Variants in HNF4G observed in about 807,000 individuals in gnomAD.
HNF4G encodes hepatocyte nuclear factor 4 gamma, also known as hepatocyte nuclear factor 4-gamma.
HNF4G carries 21 observed loss-of-function variants against 50.9 expected under a neutral mutation model. The ratio of observed to expected loss-of-function variants is 0.41; its 90% CI spans 0.29 to 0.59. The LOEUF is 0.59. HNF4G is among the 20% of genes least tolerant of loss of function. The pLI, the probability that HNF4G is intolerant of heterozygous loss-of-function variation, is 0.26. For synonymous variants in HNF4G, 198 were observed against 185.6 expected, an observed-to-expected ratio of 1.07 and a Z score of -0.54; for missense variants, 527 against 559.4, an observed-to-expected ratio of 0.94 and a Z score of 0.58.
intron 1 of HNF4G, among the ~76,000 whole-genome samples, chr8:75,463,066 G>GT (rs11386959): frequency 0.13 from 17,772 of 138,208 alleles, 1,494 homozygotes; most frequent in African/African-American, 0.24. Context: ...TTGTTTTTTT[G>GT]TTTTTTTTTT....
At chr8:75,547,731 C>A in intron 3 of HNF4G, 50 bp downstream of exon 3, 2 of 1,061,182 alleles carry the variant, frequency 1.9e-6, no homozygotes, top group South Asian at 1.3e-5. Flanking sequence ...AAGTGATAAA[C>A]ATACACACAC....
chr8:75,529,704 G>T (rs1240933014), intron 2 of HNF4G, among the ~76,000 whole-genome samples: 2 of 151,916 alleles, frequency 1.3e-5, no homozygotes, highest in Non-Finnish European at 2.9e-5. Flanking sequence ...GAGAACTATG[G>T]GGAAGATTCA....
At chr8:75,460,901 TTTTC>T (rs1371832403) in intron 1 of HNF4G, among the ~76,000 whole-genome samples, 10 of 152,210 alleles carry the variant, frequency 6.6e-5, no homozygotes, top group African/African-American at 1.7e-4. Flanking sequence ...CTTCACCACT[TTTTC>T]TTACAAATGT....
chr8:75,528,544 G>A (rs541002744), intron 2 of HNF4G, among the ~76,000 whole-genome samples: 1 of 152,068 alleles, frequency 6.6e-6, no homozygotes, highest in Admixed American at 6.6e-5. Context: ...GAAAAATGAG[G>A]TCCCTCATAG....
chr8:75,517,905 G>A (rs906846343), intron 2 of HNF4G, among the ~76,000 whole-genome samples: 3 of 151,792 alleles, frequency 2.0e-5, no homozygotes, highest in Non-Finnish European at 4.4e-5. Context: ...TTCCTCCCAG[G>A]CACCATACCT....
At chr8:75,492,708 C>G (rs537310472) in intron 2 of HNF4G, among the ~76,000 whole-genome samples, 1 of 152,058 alleles carries the variant, frequency 6.6e-6, no homozygotes, top group Non-Finnish European at 1.5e-5. Context: ...CACTGAAGTC[C>G]ATTACTTTTA....
At chr8:75,421,544 G>A (rs1459383943) in intron 1 of HNF4G, among the ~76,000 whole-genome samples, 1 of 152,202 alleles carries the variant, frequency 6.6e-6, no homozygotes, top group Admixed American at 6.5e-5. Flanking sequence ...AAATAGGGTT[G>A]ACAGGGGTTA....
intron 1 of HNF4G, among the ~76,000 whole-genome samples, chr8:75,441,145 GT>G (rs1438721746): frequency 6.6e-6 from 1 of 151,774 alleles, no homozygotes; most frequent in Non-Finnish European, 1.5e-5. Flanking sequence ...TTGTATGTGT[GT>G]TTTTTAGAGT....
chr8:75,442,099 A>G (rs2130549378), intron 1 of HNF4G, among the ~76,000 whole-genome samples: 1 of 152,334 alleles, frequency 6.6e-6, no homozygotes, highest in South Asian at 2.1e-4. Context: ...AAGATTCAAA[A>G]GAGAAACAAC....
intron 2 of HNF4G, 21 bp downstream of exon 2, chr8:75,544,000 G>A (rs551237557): frequency 2.6e-6 from 4 of 1,552,486 alleles, no homozygotes; most frequent in African/African-American, 2.8e-5. Flanking sequence ...TGCCCTTTTA[G>A]GCAAGTTATC....
chr8:75,453,725 G>A (rs1008290699), intron 1 of HNF4G, among the ~76,000 whole-genome samples: 1 of 151,978 alleles, frequency 6.6e-6, no homozygotes, highest in African/African-American at 2.4e-5. Context: ...GGACACACTG[G>A]GACTAAGACC....
At chr8:75,551,837 A>G (rs1295369735) in intron 4 of HNF4G, among the ~76,000 whole-genome samples, 2 of 152,326 alleles carry the variant, frequency 1.3e-5, no homozygotes, top group East Asian at 3.9e-4. Context: ...CAGCTACCAC[A>G]ACTTTTGGGG....
intron 1 of HNF4G, among the ~76,000 whole-genome samples, chr8:75,429,170 T>C (rs1171369524): frequency 6.6e-6 from 1 of 152,090 alleles, no homozygotes; most frequent in Non-Finnish European, 1.5e-5. Flanking sequence ...AGAGAGAATA[T>C]AGGAAGAAGA....
intron 1 of HNF4G, among the ~76,000 whole-genome samples, chr8:75,473,296 C>CA (rs927184911): frequency 2.2e-3 from 277 of 123,240 alleles, no homozygotes; most frequent in African/African-American, 3.7e-3. Flanking sequence ...GACTCCGTCT[C>CA]AAAAAAAAAA....
chr8:75,457,517 T>TAATTAAAACC (rs1811750408), intron 1 of HNF4G, among the ~76,000 whole-genome samples: 1 of 152,186 alleles, frequency 6.6e-6, no homozygotes. Context: ...CATGGTATCA[T>TAATTAAAACC]AATTAAAACC....
At chr8:75,514,878 AT>A (rs1691354275) in intron 2 of HNF4G, among the ~76,000 whole-genome samples, 1 of 151,840 alleles carries the variant, frequency 6.6e-6, no homozygotes, top group Admixed American at 6.6e-5. Context: ...ACCTCCCTCC[AT>A]TTTTAGCCTT....
intron 5 of HNF4G, among the ~76,000 whole-genome samples, chr8:75,555,042 G>A (rs1252747361): frequency 1.3e-5 from 2 of 152,152 alleles, no homozygotes; most frequent in African/African-American, 2.4e-5. Context: ...GCAAAGCACT[G>A]ACCCCTCTCA....
chr8:75,533,238 T>G (rs371955522), intron 2 of HNF4G, among the ~76,000 whole-genome samples: 2 of 151,984 alleles, frequency 1.3e-5, no homozygotes, highest in Non-Finnish European at 2.9e-5. Context: ...AAATAGAAAA[T>G]AGAAGGTCTT....
rs375056149 is a variant in HNF4G, at chr8:75,480,810, A to G, written c.-143-9279A>G. 4.0e-5 allele frequency among the ~76,000 whole-genome samples: 6 copies of G among 150,120 alleles called. No individual in the cohort carries two copies. The South Asian group carries it at 8.4e-4, about 21-fold the overall frequency. The stretch of plus-strand genomic sequence containing the variant: ...ACTGCAACCTCTGCCTCCTGGGTTC[A>G]AGTGATTCTCTTGCCTCAGCCTCCC... On this transcript the variant is annotated intron_variant, in intron 1 of 10. Transcript: ENST00000354370.
Sources: gnomAD v4.1 joint callset for allele counts (sites outside exome capture counted in the v4.1 genomes callset) on GRCh38, gnomAD v4.1.1 for gene constraint, MANE v1.5 for transcripts, NCBI Gene and HGNC (gene_info 2026-07-23, HGNC 2026-07-21) for gene names.